The following ANO10 variants were observed in gnomAD, a reference collection of about 807,000 sequenced individuals.
ANO10 encodes the protein anoctamin 10.
ANO10 carries 77 observed loss-of-function variants against 74.7 expected under a neutral mutation model. That is an observed-to-expected ratio of 1.03 (90% CI 0.86 to 1.25). ANO10 has a LOEUF of 1.25. ANO10 is among the 50% of genes most tolerant of loss of function. The pLI is 0.00. For synonymous variants in ANO10, 279 were observed against 284.9 expected, an observed-to-expected ratio of 0.98 and a Z score of 0.21; for missense variants, 721 against 778.1, an observed-to-expected ratio of 0.93 and a Z score of 0.87.
intron 12 of ANO10, among the ~76,000 whole-genome samples, chr3:43,423,178 T>C (rs2148918530): frequency 6.6e-6 from 1 of 152,208 alleles, no homozygotes; most frequent in Non-Finnish European, 1.5e-5. Context: ...TTCTAAAGTG[T>C]CCACATACAA....
chr3:43,608,236 G>C (rs2149502921), intron 1 of ANO10, among the ~76,000 whole-genome samples: 1 of 152,294 alleles, frequency 6.6e-6, no homozygotes, highest in African/African-American at 2.4e-5. Context: ...GCAATAATTA[G>C]ACTGAAAGAG....
chr3:43,594,325 A>G (rs1285815662), intron 4 of ANO10, among the ~76,000 whole-genome samples: 2 of 152,218 alleles, frequency 1.3e-5, no homozygotes, highest in African/African-American at 4.8e-5. Flanking sequence ...TCAGCACCAC[A>G]TCACACTTAT....
At chr3:43,631,048 G>T (rs964564206) in intron 1 of ANO10, among the ~76,000 whole-genome samples, 2 of 152,202 alleles carry the variant, frequency 1.3e-5, no homozygotes, top group Non-Finnish European at 2.9e-5. Flanking sequence ...TGAGTGAATT[G>T]TTTTAGTCTT....
At chr3:43,410,680 C>A (rs1425071362) in intron 12 of ANO10, among the ~76,000 whole-genome samples, 3 of 152,116 alleles carry the variant, frequency 2.0e-5, no homozygotes, top group Admixed American at 6.5e-5. Flanking sequence ...CACGGATATA[C>A]CTTTTCAACC....
chr3:43,502,984 T>C (rs1465085392), intron 11 of ANO10, among the ~76,000 whole-genome samples: 2 of 152,206 alleles, frequency 1.3e-5, no homozygotes, highest in African/African-American at 2.4e-5. Context: ...TTTTACAAGA[T>C]GAAAAGAATT....
intron 1 of ANO10, among the ~76,000 whole-genome samples, chr3:43,651,111 T>C (rs1290860008): frequency 6.6e-6 from 1 of 152,126 alleles, no homozygotes; most frequent in Non-Finnish European, 1.5e-5. Flanking sequence ...GCAGTAAAAT[T>C]AGGTGAAATA....
intron 1 of ANO10, among the ~76,000 whole-genome samples, chr3:43,657,763 T>A (rs531477081): frequency 1.3e-5 from 2 of 152,290 alleles, no homozygotes; most frequent in South Asian, 4.1e-4. Context: ...TCAGGTATAT[T>A]TTTTCTTGTT....
chr3:43,543,355 G>C (rs1441165874), intron 11 of ANO10, among the ~76,000 whole-genome samples: 2 of 152,134 alleles, frequency 1.3e-5, no homozygotes, highest in Non-Finnish European at 2.9e-5. Context: ...GATACTTCTG[G>C]TATTACAGAT....
Position 43,672,225 on chromosome 3 carries a change from CAACT to C in ANO10, c.-12+19288_-12+19291del, listed in dbSNP as rs372018606. 2.5e-4 allele frequency among the ~76,000 whole-genome samples: 38 copies of C among 152,224 alleles called. No individual in the cohort carries two copies. The East Asian group carries it at 6.8e-3, about 27-fold the overall frequency. On this transcript the variant is annotated intron_variant, in intron 1 of 3. Coordinates refer to the ANO10 transcript ENST00000413397. The stretch of plus-strand genomic sequence containing the variant: ...TCATTACGATTTGTGCTGCATACTT[CAACT>C]AACAAGAAAACAGTCCTGGTGTGGT...
intron 1 of ANO10, among the ~76,000 whole-genome samples, chr3:43,644,333 A>G (rs1282752878): frequency 6.6e-6 from 1 of 152,164 alleles, no homozygotes; most frequent in African/African-American, 2.4e-5. Context: ...AACTTGATTT[A>G]GTTTTAGACT....
At chr3:43,520,195 C>A (rs2077888449) in intron 11 of ANO10, among the ~76,000 whole-genome samples, 1 of 152,124 alleles carries the variant, frequency 6.6e-6, no homozygotes, top group Non-Finnish European at 1.5e-5. Context: ...ATCCTCCTCC[C>A]CAGCTCTTAC....
intron 11 of ANO10, among the ~76,000 whole-genome samples, chr3:43,497,689 T>C: frequency 6.6e-6 from 1 of 152,156 alleles, no homozygotes; most frequent in Non-Finnish European, 1.5e-5. Context: ...AGATGCCCTC[T>C]GCCCTCCTAC....
At chr3:43,662,190 A>C (rs2083934182) in intron 1 of ANO10, among the ~76,000 whole-genome samples, 1 of 152,340 alleles carries the variant, frequency 6.6e-6, no homozygotes, top group African/African-American at 2.4e-5. Flanking sequence ...AAAGAACAGA[A>C]ATCACAACAA....
At chr3:43,478,888 A>G (rs960864081) in intron 11 of ANO10, among the ~76,000 whole-genome samples, 5 of 152,228 alleles carry the variant, frequency 3.3e-5, no homozygotes, top group African/African-American at 1.2e-4. Context: ...TAGAGCATCT[A>G]AAAGCAAACC....
intron 12 of ANO10, among the ~76,000 whole-genome samples, chr3:43,367,311 C>T (rs1162536064): frequency 2.0e-5 from 3 of 152,216 alleles, no homozygotes; most frequent in Non-Finnish European, 2.9e-5. Flanking sequence ...AGGCTTGGGA[C>T]CAAGTGCTTG....
intron 11 of ANO10, among the ~76,000 whole-genome samples, chr3:43,474,732 A>C (rs1043131057): frequency 6.6e-6 from 1 of 152,226 alleles, no homozygotes; most frequent in African/African-American, 2.4e-5. Context: ...AGAAATTTGC[A>C]TTTATGGTCA....
intron 1 of ANO10, among the ~76,000 whole-genome samples, chr3:43,639,573 G>A (rs1424441163): frequency 6.6e-6 from 1 of 152,096 alleles, no homozygotes; most frequent in Non-Finnish European, 1.5e-5. Context: ...GACCATCCTG[G>A]CCAACATAGT....
chr3:43,487,409 AT>A (rs1384281623), intron 11 of ANO10, among the ~76,000 whole-genome samples: 2 of 152,060 alleles, frequency 1.3e-5, no homozygotes, highest in Non-Finnish European at 2.9e-5. Flanking sequence ...TTCTGGTAGA[AT>A]TCAGCTGTGA....
chr3:43,488,129 A>C, intron 11 of ANO10, among the ~76,000 whole-genome samples: 2 of 151,080 alleles, frequency 1.3e-5, no homozygotes, highest in Non-Finnish European at 3.0e-5. Flanking sequence ...TAGAAAGCTG[A>C]AACTGGATCC....
Sources: allele counts gnomAD v4.1 joint callset (sites outside exome capture counted in the v4.1 genomes callset), GRCh38; gene constraint gnomAD v4.1.1; transcripts MANE v1.5; gene names NCBI Gene and HGNC (gene_info 2026-07-23, HGNC 2026-07-21).